The following CNTN4 variants were observed in gnomAD, a reference collection of about 807,000 sequenced individuals.
CNTN4 encodes the protein contactin-4.
CNTN4 carries 77 observed loss-of-function variants against 122.5 expected under a neutral mutation model. That is an observed-to-expected ratio of 0.63 (90% CI 0.52 to 0.76). The LOEUF is 0.76. Ranked by LOEUF, CNTN4 falls within the 30% of genes least tolerant of loss-of-function variation. The pLI, the probability that CNTN4 is intolerant of heterozygous loss-of-function variation, is 0.00. For synonymous variants in CNTN4, 512 were observed against 447.0 expected, an observed-to-expected ratio of 1.15 and a Z score of -1.83; for missense variants, 1,256 against 1,259.1, an observed-to-expected ratio of 1.00 and a Z score of 0.04.
chr3:2,589,306 C>T (rs1478652929), intron 4 of CNTN4, among the ~76,000 whole-genome samples: 1 of 152,182 alleles, frequency 6.6e-6, no homozygotes, highest in African/African-American at 2.4e-5. Context: ...AAAAACACAA[C>T]TTGGAATTCC....
chr3:2,346,533 T>G (rs893201396), intron 3 of CNTN4, among the ~76,000 whole-genome samples: 7 of 152,138 alleles, frequency 4.6e-5, no homozygotes, highest in African/African-American at 9.7e-5. Context: ...AATGGTAAAC[T>G]CTCTAATTTT....
rs1701816819 is a variant in CNTN4, at chr3:3,056,602, A to G, written c.*382A>G. The G allele has an allele frequency of 6.4e-6, 1 of 156,650 alleles. No individual in the cohort carries two copies. The highest frequency in any genetic ancestry group is 1.4e-5 in the Non-Finnish European group (1 of 70,552). The allele number at this position is 156,650 out of a possible 1,614,324, so 9.7% of individuals were successfully genotyped here. A position where few individuals can be genotyped will look rare whatever the true frequency, so the allele number is the denominator to read the frequency against. Reference sequence around the variant, plus strand: ...CTATGGGCAACACAATCATGCAATTATAATTTGAAAATATTTCCTTTAAAG... The same window carrying G: ...CTATGGGCAACACAATCATGCAATTGTAATTTGAAAATATTTCCTTTAAAG... On this transcript the variant is annotated 3_prime_UTR_variant, in exon 25 of 25. Coordinates refer to ENST00000418658, the MANE Select transcript of CNTN4 (RefSeq NM_175607.3).
At chr3:2,547,671 A>G (rs186724138) in intron 3 of CNTN4, among the ~76,000 whole-genome samples, 10 of 152,246 alleles carry the variant, frequency 6.6e-5, no homozygotes, top group African/African-American at 2.4e-4. Context: ...CTGGAAAAAC[A>G]CTTAATAGTC....
intron 7 of CNTN4, among the ~76,000 whole-genome samples, chr3:2,834,949 G>T (rs925889316): frequency 9.9e-6 from 1 of 100,766 alleles, no homozygotes; most frequent in East Asian, 3.5e-4. Flanking sequence ...CTGTCGCCCA[G>T]GCTGGAGTGC....
intron 2 of CNTN4, among the ~76,000 whole-genome samples, chr3:2,237,383 T>C (rs541222367): frequency 3.9e-5 from 6 of 152,004 alleles, no homozygotes; most frequent in Non-Finnish European, 8.8e-5. Context: ...GCTGAAGCAG[T>C]AGGATCGCTT....
At chr3:3,042,201 T>C in intron 20 of CNTN4, 109 bp from the exon 21 acceptor site, 3 of 840,244 alleles carry the variant, frequency 3.6e-6, no homozygotes, top group Non-Finnish European at 6.0e-6. Context: ...CTTACAATCA[T>C]TAAGGACGAT....
chr3:2,477,693 A>G (rs948158478), intron 3 of CNTN4, among the ~76,000 whole-genome samples: 32 of 152,240 alleles, frequency 2.1e-4, no homozygotes, highest in Admixed American at 3.3e-4. Context: ...TACATAGTCT[A>G]TGCATTTTGC....
At chr3:2,209,384 C>T (rs1379988259) in intron 2 of CNTN4, among the ~76,000 whole-genome samples, 1 of 152,162 alleles carries the variant, frequency 6.6e-6, no homozygotes, top group Non-Finnish European at 1.5e-5. Context: ...ATCAAGTTGG[C>T]TGATCAAGTA....
At chr3:2,418,422 G>T (rs894480883) in intron 3 of CNTN4, among the ~76,000 whole-genome samples, 1 of 152,078 alleles carries the variant, frequency 6.6e-6, no homozygotes, top group Non-Finnish European at 1.5e-5. Flanking sequence ...GGTTCAAAAC[G>T]TAAAACTGCT....
chr3:2,819,618 C>T (rs1170013584), intron 7 of CNTN4, 37 bp downstream of exon 7: 9 of 1,400,562 alleles, frequency 6.4e-6, no homozygotes, highest in African/African-American at 1.4e-5. Context: ...ATGCTTCACT[C>T]TCTGTTATTT....
chr3:2,531,056 C>T (rs1033782002), intron 3 of CNTN4, among the ~76,000 whole-genome samples: 1 of 152,140 alleles, frequency 6.6e-6, no homozygotes, highest in African/African-American at 2.4e-5. Context: ...TGACTACAGA[C>T]ATCCAAAAAT....
At chr3:2,873,223 G>T (rs62234245) in intron 8 of CNTN4, among the ~76,000 whole-genome samples, 14,573 of 152,216 alleles carry the variant, frequency 0.096, 789 homozygotes, top group Middle Eastern at 0.21. Flanking sequence ...TTTATAATAA[G>T]TTCTATCTAA....
chr3:2,391,419 T>G (rs1392266437), intron 3 of CNTN4, among the ~76,000 whole-genome samples: 2 of 152,156 alleles, frequency 1.3e-5, no homozygotes, highest in Non-Finnish European at 2.9e-5. Context: ...TATGAAGCCA[T>G]GAGAAACCCA....
chr3:2,673,531 C>A (rs532036049), intron 4 of CNTN4, among the ~76,000 whole-genome samples: 102 of 152,050 alleles, frequency 6.7e-4, no homozygotes, highest in Admixed American at 3.5e-3. Context: ...ACTTCTGAGG[C>A]TCAGTTTTTT....
chr3:2,424,360 C>T (rs2047735836), intron 3 of CNTN4, among the ~76,000 whole-genome samples: 2 of 152,032 alleles, frequency 1.3e-5, no homozygotes, highest in South Asian at 4.2e-4. Flanking sequence ...ATGATGGTTT[C>T]CAGCTTCATC....
At chr3:2,974,355 T>C (rs1462116983) in intron 13 of CNTN4, among the ~76,000 whole-genome samples, 1 of 152,150 alleles carries the variant, frequency 6.6e-6, no homozygotes, top group South Asian at 2.1e-4. Flanking sequence ...ATACTGAAAA[T>C]AATAACAGAA....
intron 3 of CNTN4, among the ~76,000 whole-genome samples, chr3:2,389,368 C>T (rs181410734): frequency 6.9e-6 from 1 of 145,010 alleles, no homozygotes; most frequent in Non-Finnish European, 1.5e-5. Context: ...AAACCTTCCC[C>T]GTGATGTATC....
At chr3:2,142,586 G>A (rs567840506) in intron 2 of CNTN4, among the ~76,000 whole-genome samples, 5 of 152,186 alleles carry the variant, frequency 3.3e-5, no homozygotes, top group African/African-American at 9.6e-5. Flanking sequence ...CAAGTGATCT[G>A]CCCGCCTCGG....
intron 13 of CNTN4, among the ~76,000 whole-genome samples, chr3:2,946,197 T>A (rs958150921): frequency 6.6e-6 from 1 of 152,012 alleles, no homozygotes; most frequent in African/African-American, 2.4e-5. Context: ...GCACACTGAT[T>A]GTCAGAGGAA....
Sources: gnomAD v4.1 joint callset for allele counts (sites outside exome capture counted in the v4.1 genomes callset) on GRCh38, gnomAD v4.1.1 for gene constraint, MANE v1.5 for transcripts, NCBI Gene and HGNC (gene_info 2026-07-23, HGNC 2026-07-21) for gene names.